PCDH9: variants seen among roughly 807,000 people sequenced by gnomAD.
PCDH9 encodes protocadherin-9.
In PCDH9, 24 loss-of-function variants were observed where a neutral mutation model predicts 70.6. That is an observed-to-expected ratio of 0.34 (90% CI 0.25 to 0.48). The LOEUF (loss-of-function observed/expected upper bound fraction) is 0.48. PCDH9 is among the 20% of genes least tolerant of loss of function. The pLI is 0.99. For synonymous variants in PCDH9, 562 were observed against 558.5 expected (o/e 1.01, Z -0.09); for missense variants, 1,281 against 1,503.6 (o/e 0.85, Z 2.45).
At chr13:66,787,086 G>A (rs1480039770) in intron 3 of PCDH9, among the ~76,000 whole-genome samples, 1 of 152,070 alleles carries the variant, frequency 6.6e-6, no homozygotes, top group Non-Finnish European at 1.5e-5. Context: ...AATTTAGGTG[G>A]GAAGTAGAAT....
intron 2 of PCDH9, among the ~76,000 whole-genome samples, chr13:66,906,333 A>G (rs1339931653): frequency 6.6e-6 from 1 of 152,200 alleles, no homozygotes. Flanking sequence ...TAATAGTTCA[A>G]ACATGAAGAA....
chr13:66,807,602 T>C (rs868759944), intron 3 of PCDH9, among the ~76,000 whole-genome samples: 10 of 152,148 alleles, frequency 6.6e-5, no homozygotes, highest in Middle Eastern at 3.2e-3. Context: ...ATAATTTATA[T>C]AAAGATGTTT....
chr13:66,339,536 T>G (rs1347723202), intron 4 of PCDH9, among the ~76,000 whole-genome samples: 1 of 152,126 alleles, frequency 6.6e-6, no homozygotes, highest in Non-Finnish European at 1.5e-5. Flanking sequence ...TCACAGATAT[T>G]TTGTTGAAAA....
intron 2 of PCDH9, among the ~76,000 whole-genome samples, chr13:66,960,764 G>A (rs1378116288): frequency 6.6e-6 from 1 of 152,062 alleles, no homozygotes; most frequent in African/African-American, 2.4e-5. Flanking sequence ...TCTTCGAAGA[G>A]GTACAGAATC....
intron 3 of PCDH9, among the ~76,000 whole-genome samples, chr13:66,649,208 T>C (rs1286210738): frequency 6.6e-6 from 1 of 152,076 alleles, no homozygotes; most frequent in Non-Finnish European, 1.5e-5. Flanking sequence ...AAAATAAGGT[T>C]ATATCAGAGC....
intron 2 of PCDH9, among the ~76,000 whole-genome samples, chr13:67,151,701 C>A (rs563530893): frequency 6.9e-6 from 1 of 145,716 alleles, no homozygotes; most frequent in Admixed American, 7.8e-5. Context: ...GAAAAAAATT[C>A]ATCTTTTCAA....
At chr13:67,032,771 TCA>T (rs2084932373) in intron 2 of PCDH9, among the ~76,000 whole-genome samples, 1 of 152,156 alleles carries the variant, frequency 6.6e-6, no homozygotes, top group Admixed American at 6.6e-5. Flanking sequence ...TCCTAATATA[TCA>T]CAAAATTGAT....
intron 3 of PCDH9, among the ~76,000 whole-genome samples, chr13:66,790,279 C>G (rs1208385612): frequency 1.3e-5 from 2 of 151,930 alleles, no homozygotes; most frequent in African/African-American, 4.8e-5. Context: ...ATTTTTTCCC[C>G]AAAAGATTTG....
chr13:66,751,149 A>G (rs9540894), intron 3 of PCDH9, among the ~76,000 whole-genome samples: 12,087 of 152,166 alleles, frequency 0.079, 499 homozygotes, highest in East Asian at 0.13. Flanking sequence ...TAGCATCTAT[A>G]TTTCATAACA....
intron 2 of PCDH9, among the ~76,000 whole-genome samples, chr13:67,200,775 G>C (rs1370526567): frequency 6.6e-6 from 1 of 152,012 alleles, no homozygotes; most frequent in African/African-American, 2.4e-5. Flanking sequence ...ACCTGGGGTT[G>C]GGAGAGTGAG....
At chr13:67,173,005 C>A (rs1208589940) in intron 2 of PCDH9, among the ~76,000 whole-genome samples, 3 of 151,944 alleles carry the variant, frequency 2.0e-5, no homozygotes, top group Non-Finnish European at 4.4e-5. Context: ...CTTTGCAACC[C>A]CAAACAGCTA....
chr13:67,079,987 T>A (rs527358204), intron 2 of PCDH9, among the ~76,000 whole-genome samples: 1 of 152,300 alleles, frequency 6.6e-6, no homozygotes, highest in South Asian at 2.1e-4. Flanking sequence ...AGATGTCTGA[T>A]CTTTTTAAGG....
intron 3 of PCDH9, among the ~76,000 whole-genome samples, chr13:66,789,324 TA>T: frequency 6.6e-6 from 1 of 152,300 alleles, no homozygotes; most frequent in Admixed American, 6.5e-5. Context: ...CCGTGGCTAA[TA>T]GTTTCTATTA....
At chr13:66,933,342 C>T (rs2082847834) in intron 2 of PCDH9, among the ~76,000 whole-genome samples, 1 of 152,092 alleles carries the variant, frequency 6.6e-6, no homozygotes, top group African/African-American at 2.4e-5. Context: ...ATAAATTTCT[C>T]AATTTCTCAG....
At chr13:66,349,828 A>C (rs1956266350) in intron 4 of PCDH9, among the ~76,000 whole-genome samples, 1 of 152,226 alleles carries the variant, frequency 6.6e-6, no homozygotes, top group East Asian at 1.9e-4. Context: ...TGGAAAGGTT[A>C]GAGCTAGGGA....
intron 4 of PCDH9, among the ~76,000 whole-genome samples, chr13:66,349,588 T>A (rs577396761): frequency 5.9e-5 from 9 of 152,266 alleles, no homozygotes; most frequent in Non-Finnish European, 1.2e-4. Flanking sequence ...GGCTACCAAG[T>A]GCCAATATCT....
At chr13:66,947,167 A>G (rs2083101588) in intron 2 of PCDH9, among the ~76,000 whole-genome samples, 1 of 152,176 alleles carries the variant, frequency 6.6e-6, no homozygotes, top group Admixed American at 6.6e-5. Flanking sequence ...ATACAAGGTC[A>G]GACAATTCTT....
At chr13:66,680,844 A>C (rs1180913327) in intron 3 of PCDH9, among the ~76,000 whole-genome samples, 1 of 152,066 alleles carries the variant, frequency 6.6e-6, no homozygotes, top group African/African-American at 2.4e-5. Flanking sequence ...CTTGCAACCA[A>C]TATCATCCAA....
intron 2 of PCDH9, among the ~76,000 whole-genome samples, chr13:67,051,449 G>A (rs1335913370): frequency 2.9e-5 from 4 of 136,020 alleles, no homozygotes; most frequent in Non-Finnish European, 6.1e-5. Context: ...CTGGAGTGCA[G>A]TGGTGTGATC....
Sources: gnomAD v4.1 joint callset for allele counts (sites outside exome capture counted in the v4.1 genomes callset) on GRCh38, gnomAD v4.1.1 for gene constraint, MANE v1.5 for transcripts, NCBI Gene and HGNC (gene_info 2026-07-23, HGNC 2026-07-21) for gene names.